Variants in CARS2 observed in about 807,000 individuals in gnomAD.
CARS2 encodes the protein cysteinyl-tRNA synthetase 2, mitochondrial.
Under a neutral mutation model 68.8 loss-of-function variants are expected in CARS2, and 52 were observed. The observed-to-expected ratio is 0.76, with a 90% CI of 0.61 to 0.95. The LOEUF is 0.95. Ranked by LOEUF, CARS2 falls within the 40% of genes least tolerant of loss-of-function variation. The pLI, the probability that CARS2 is intolerant of heterozygous loss-of-function variation, is 0.00. For synonymous variants in CARS2, 314 were observed against 303.6 expected (o/e 1.03, Z -0.36); for missense variants, 780 against 754.2 (o/e 1.03, Z -0.40).
At chr13:110,674,243 G>C (rs996571622) in intron 7 of CARS2, among the ~76,000 whole-genome samples, 3 of 152,046 alleles carry the variant, frequency 2.0e-5, no homozygotes, top group Admixed American at 6.6e-5. Context: ...GTTCAAAAAA[G>C]AGCCTGCACT....
intron 7 of CARS2, among the ~76,000 whole-genome samples, chr13:110,673,182 C>T (rs9588235): frequency 0.81 from 122,667 of 151,764 alleles, 49,852 homozygotes; most frequent in Middle Eastern, 0.86. Flanking sequence ...TTACAATCAA[C>T]AGAAAACAAG....
intron 7 of CARS2, among the ~76,000 whole-genome samples, chr13:110,675,425 G>A (rs112626283): frequency 0.033 from 5,096 of 152,240 alleles, 303 homozygotes; most frequent in African/African-American, 0.12. Context: ...GGATGAAGCT[G>A]GAAACCATCA....
rs369200736 is a variant in CARS2 at position 110,683,047 on chromosome 13, C to G, written c.655+4G>C. Reference sequence around the variant, plus strand: ...ACCCACAGGGCTGAGCCCGGCCAACCCACCTGGCTCTCCGACTGGACCAGG... The same window carrying G: ...ACCCACAGGGCTGAGCCCGGCCAACGCACCTGGCTCTCCGACTGGACCAGG... On this transcript the variant is annotated splice_donor_region_variant and intron_variant, in intron 6 of 14. Transcript: ENST00000257347. 3.1e-6 allele frequency: 5 copies of G among 1,596,964 alleles called. No homozygotes were observed. Among genetic ancestry groups the G allele is most frequent in the Non-Finnish European group, 3.4e-6 (4 of 1,174,076 alleles).
Position 110,647,240 on chromosome 13 carries a change from C to T in CARS2, c.1055-1G>A. ...ATGGCGCTGTCACTGTAGTCGATGG[C>T]TGAGGAGGAAGAGATGGTCACTGAG... On this transcript the variant is annotated splice_acceptor_variant, in intron 10 of 14. Coordinates refer to ENST00000257347, the MANE Select transcript of CARS2 (RefSeq NM_024537.4). LOFTEE classifies it high-confidence loss of function. The T allele has an allele frequency of 6.2e-7, 1 of 1,611,814 alleles. No individual in the cohort carries two copies. The highest frequency in any genetic ancestry group is 8.5e-7 in the Non-Finnish European group (1 of 1,178,930).
intron 5 of CARS2, among the ~76,000 whole-genome samples, chr13:110,685,659 G>A (rs1010769555): frequency 6.6e-6 from 1 of 152,210 alleles, no homozygotes; most frequent in Non-Finnish European, 1.5e-5. Flanking sequence ...AGAACTGGCT[G>A]CCAAATGGTA....
At chr13:110,690,207 G>A (rs1035491590) in intron 3 of CARS2, among the ~76,000 whole-genome samples, 1 of 152,124 alleles carries the variant, frequency 6.6e-6, no homozygotes, top group Non-Finnish European at 1.5e-5. Context: ...TAGACTGGGC[G>A]ACAGAGCGAG....
At chr13:110,641,855 G>A (rs1483271969) in intron 14 of CARS2, among the ~76,000 whole-genome samples, 2 of 152,202 alleles carry the variant, frequency 1.3e-5, no homozygotes, top group Non-Finnish European at 1.5e-5. Context: ...AGCCAACTTG[G>A]CCCCTCCCTC....
At chr13:110,654,810 G>A (rs1329683870) in intron 9 of CARS2, among the ~76,000 whole-genome samples, 1 of 151,384 alleles carries the variant, frequency 6.6e-6, no homozygotes, top group Non-Finnish European at 1.5e-5. Flanking sequence ...CAGCTCCTCA[G>A]GAGGCTGAAA....
chr13:110,712,859 T>G (rs980368127), intron 1 of CARS2: 3 of 1,237,694 alleles, frequency 2.4e-6, no homozygotes, highest in African/African-American at 3.0e-5. Context: ...CAGGCCCCTT[T>G]GTCTCCAAGC....
At position 110,682,791 on chromosome 13, in the gene CARS2, A is replaced by G. The variant is rs537445267; in HGVS notation, c.655+260T>C. Among the ~76,000 whole-genome samples, 13 of 152,334 alleles carry G rather than the reference A, an allele frequency of 8.5e-5. No individual in the cohort carries two copies. In the South Asian group the frequency reaches 2.5e-3, roughly 29 times the overall value. ...AAACCCTGGGGAGGAAAAAGGAGAC[A>G]GTGACCAGCACTGTCTCCAGGGAAT... On this transcript the variant is annotated intron_variant, in intron 6 of 14. Transcript: ENST00000257347.
At chr13:110,706,179 C>T (rs2063954317), upstream of CARS2, 2 of 995,662 alleles carry the variant, frequency 2.0e-6, no homozygotes, top group Admixed American at 4.6e-5. Flanking sequence ...CGGCCCCGCC[C>T]CGCCCCGCCC....
chr13:110,650,999 G>GT, intron 10 of CARS2, 35 bp downstream of exon 10: 1 of 1,418,532 alleles, frequency 7.0e-7, no homozygotes, highest in Non-Finnish European at 9.7e-7. Context: ...TCTCCGAGCT[G>GT]GGGGGGGAGT....
At chr13:110,693,639 G>A (rs985652318) in intron 3 of CARS2, among the ~76,000 whole-genome samples, 2 of 152,102 alleles carry the variant, frequency 1.3e-5, no homozygotes, top group Non-Finnish European at 1.5e-5. Context: ...GATTACAGGC[G>A]TGAGCCACCG....
chr13:110,641,480 A>G lies in CARS2; in HGVS notation c.*57T>C, dbSNP rs1887273466. ...CAGGAAGCTTTAACATAAAGCCTTG[A>G]CCCTGAGAAGCATGGGTGCGTCTTG... On this transcript the variant is annotated 3_prime_UTR_variant, in exon 15 of 15. Transcript: ENST00000257347. 4 of 1,382,466 alleles carry G rather than the reference A, an allele frequency of 2.9e-6. No homozygotes were observed. The highest frequency in any genetic ancestry group is 4.1e-6 in the Non-Finnish European group (4 of 968,412). 85.6% of individuals were successfully genotyped at this position (1,382,466 alleles called of 1,614,324 possible). A position where few individuals can be genotyped will look rare whatever the true frequency, so the allele number is the denominator to read the frequency against.
exon 1 of CARS2, chr13:110,713,300 T>G (rs945567094): frequency 5.7e-6 from 7 of 1,224,936 alleles, no homozygotes; most frequent in Middle Eastern, 3.2e-4. Context: ...AGTTGCTGTG[T>G]ACCATGGTCT....
chr13:110,679,585 AAGAAAGAAAGAAAGAGAG>A (rs1195681170), intron 6 of CARS2, among the ~76,000 whole-genome samples: 1 of 11,322 alleles, frequency 8.8e-5, no homozygotes, highest in African/African-American at 1.5e-4. Context: ...GAAAGAAAGA[AAGAAAGAAAGAAAGAGAG>A]AGAGAGAGAG....
chr13:110,642,956 A>C (rs1887598189), intron 13 of CARS2: 1 of 376,620 alleles, frequency 2.7e-6, no homozygotes, highest in Admixed American at 3.5e-5. Context: ...TCAGGTGCTG[A>C]GGACGGGATT....
At chr13:110,669,805 C>T (rs980669689) in intron 7 of CARS2, among the ~76,000 whole-genome samples, 1 of 152,126 alleles carries the variant, frequency 6.6e-6, no homozygotes, top group African/African-American at 2.4e-5. Context: ...AATTCCCTTT[C>T]CTAGCCAAGG....
intron 9 of CARS2, among the ~76,000 whole-genome samples, chr13:110,652,560 G>A (rs1002663333): frequency 1.3e-5 from 2 of 152,222 alleles, no homozygotes; most frequent in African/African-American, 4.8e-5. Context: ...GGAGGACACT[G>A]CTCCACCTGC....
Sources: gnomAD v4.1 joint callset for allele counts (sites outside exome capture counted in the v4.1 genomes callset) on GRCh38, gnomAD v4.1.1 for gene constraint, MANE v1.5 for transcripts, NCBI Gene and HGNC (gene_info 2026-07-23, HGNC 2026-07-21) for gene names.